The following NFIC variants were observed in gnomAD, a reference collection of about 807,000 sequenced individuals.
The protein encoded by NFIC is nuclear factor 1 C-type.
Under a neutral mutation model 54.4 loss-of-function variants are expected in NFIC, and 12 were observed. That is an observed-to-expected ratio of 0.22 (90% CI 0.14 to 0.36). The LOEUF is 0.36. NFIC is among the 10% of genes least tolerant of loss of function. The pLI is 1.00. For missense variants in NFIC, 575 were observed against 718.2 expected (o/e 0.80, Z 2.28); for synonymous variants, 322 against 319.2 (o/e 1.01, Z -0.09).
chr19:3,427,495 CAA>C (rs1274378621), intron 3 of NFIC, among the ~76,000 whole-genome samples: 2 of 151,646 alleles, frequency 1.3e-5, no homozygotes, highest in Non-Finnish European at 2.9e-5. Flanking sequence ...GAGAAGAAGA[CAA>C]GAGAGGATAT....
upstream of NFIC, among the ~76,000 whole-genome samples, chr19:3,363,264 T>C (rs2080838297): frequency 1.5e-5 from 1 of 67,724 alleles, no homozygotes. Context: ...TATATATATA[T>C]ATATATTTTT....
chr19:3,373,153 G>T (rs911952664), intron 1 of NFIC, among the ~76,000 whole-genome samples: 1 of 152,058 alleles, frequency 6.6e-6, no homozygotes, highest in Non-Finnish European at 1.5e-5. Flanking sequence ...CCCCTATTTC[G>T]TAGTAGACGT....
At chr19:3,406,706 G>A (rs902250549) in intron 2 of NFIC, among the ~76,000 whole-genome samples, 2 of 152,178 alleles carry the variant, frequency 1.3e-5, no homozygotes, top group Admixed American at 6.6e-5. Context: ...AGGTTGCAAC[G>A]TAACTGGACA....
intron 5 of NFIC, 70 bp downstream of exon 5, chr19:3,434,470 G>A (rs1468534945): frequency 1.6e-5 from 24 of 1,496,240 alleles, no homozygotes; most frequent in Non-Finnish European, 2.1e-5. Flanking sequence ...TCTGGCCCGA[G>A]CTGACTCATT....
rs186153522 is a variant in NFIC at position 3,372,256 on chromosome 19, G to A, written c.30+5590G>A. ...GGCTGGTCTCAAACTCCTGACCTCA[G>A]GTGATCCACCTGCCTCGGCCTCCCA... On this transcript the variant is annotated intron_variant, in intron 1 of 10. Transcript: ENST00000443272. Among the ~76,000 whole-genome samples the A allele has an allele frequency of 1.5e-3, 229 of 152,078 alleles. 3 individuals are homozygous for A. Among genetic ancestry groups the A allele is most frequent in the Admixed American group, 5.0e-3 (77 of 15,264 alleles).
intron 9 of NFIC, 114 bp downstream of exon 9, chr19:3,454,030 A>T: frequency 7.2e-7 from 1 of 1,385,222 alleles, no homozygotes; most frequent in Non-Finnish European, 9.3e-7. Flanking sequence ...GGGCCTGGCG[A>T]GTTTGGTGGG....
chr19:3,434,975 C>T (rs1440826596), intron 5 of NFIC, 108 bp from the exon 6 acceptor site: 3 of 1,375,242 alleles, frequency 2.2e-6, no homozygotes, highest in Admixed American at 5.3e-5. Context: ...GCGATACTAC[C>T]TCCCTCGCCC....
At position 3,370,336 on chromosome 19, in the gene NFIC, T is replaced by A. The variant is rs1271868101; in HGVS notation, c.30+3670T>A. Among the ~76,000 whole-genome samples, 1 of 152,096 alleles carries A rather than the reference T, an allele frequency of 6.6e-6. No homozygotes were observed. The highest frequency in any genetic ancestry group is 2.4e-5 in the African/African-American group (1 of 41,408). ...CACTCTCTACAAGGCTCCACCACTCTCCCGCTGTATCTCCCTCTGGGTCTC... is the reference window on the plus strand; with the variant it reads ...CACTCTCTACAAGGCTCCACCACTCACCCGCTGTATCTCCCTCTGGGTCTC... On this transcript the variant is annotated intron_variant, in intron 1 of 10. Coordinates refer to ENST00000443272, the MANE Select transcript of NFIC (RefSeq NM_001245002.2). This position sits in a 1 kb window ranked among gnomAD's most constrained non-coding sequence, Gnocchi z 5.2.
At chr19:3,363,258 TATATATATA>T (rs1484657947), upstream of NFIC, among the ~76,000 whole-genome samples, 938 of 77,454 alleles carry the variant, frequency 0.012, 23 homozygotes, top group South Asian at 0.042. Context: ...TATATATATA[TATATATATA>T]TATTTTTTTT....
intron 3 of NFIC, among the ~76,000 whole-genome samples, chr19:3,430,710 G>T (rs558747246): frequency 6.6e-6 from 1 of 151,620 alleles, no homozygotes; most frequent in Non-Finnish European, 1.5e-5. Context: ...AAGGTGGGTG[G>T]ATCATGTGGT....
intron 6 of NFIC, among the ~76,000 whole-genome samples, chr19:3,442,012 G>C (rs79768694): frequency 0.016 from 2,459 of 152,266 alleles, 79 homozygotes; most frequent in African/African-American, 0.057. Context: ...CTTTTCTCCC[G>C]GGCAGTGCTC....
In NFIC at chr19:3,453,846, G is replaced by A; in HGVS notation, c.1353G>A (p.Arg451=). The change falls in exon 9 of 11, where the codon CGG becomes CGA. Residue 451 remains arginine, a synonymous_variant. Coordinates refer to ENST00000443272, the MANE Select transcript of NFIC (RefSeq NM_001245002.2). This position sits in a 1 kb window ranked among gnomAD's most constrained non-coding sequence, Gnocchi z 6.7. ...CACCTCCGCCCCCGGGGCTGCCACG[G>A]CTGGCGCTCCCCCCTGCCACCAAAC... is the stretch of plus-strand genomic sequence containing the variant. The part of the protein sequence containing the change: ...MLAPPPPGLP[R]LALPPATKPA... 1.9e-6 allele frequency: 3 copies of A among 1,575,804 alleles called. No individual in the cohort carries two copies. Among genetic ancestry groups the A allele is most frequent in the Non-Finnish European group, 1.7e-6 (2 of 1,162,328 alleles).
intron 10 of NFIC, among the ~76,000 whole-genome samples, chr19:3,460,760 C>A (rs1012605503): frequency 1.3e-5 from 2 of 152,190 alleles, no homozygotes; most frequent in African/African-American, 4.8e-5. Flanking sequence ...GTGATCCACC[C>A]ACCTTGGTCT....
intron 2 of NFIC, among the ~76,000 whole-genome samples, chr19:3,385,556 T>G (rs1030265653): frequency 6.8e-6 from 1 of 148,018 alleles, no homozygotes; most frequent in African/African-American, 2.5e-5. Context: ...TTTTTGGGGG[T>G]TTTTTTGGTT....
intron 1 of NFIC, among the ~76,000 whole-genome samples, chr19:3,376,696 T>C (rs2081114259): frequency 6.6e-6 from 1 of 152,126 alleles, no homozygotes. Context: ...ATCGTGCCAC[T>C]GCACTCCAGT....
intron 1 of NFIC, among the ~76,000 whole-genome samples, chr19:3,378,963 A>G (rs1599572501): frequency 6.6e-6 from 1 of 151,832 alleles, no homozygotes; most frequent in Non-Finnish European, 1.5e-5. Context: ...GCAGCCCTCA[A>G]CCTCCAGGCG....
chr19:3,380,357 ACC>A (rs993686067), intron 1 of NFIC, among the ~76,000 whole-genome samples: 1 of 85,140 alleles, frequency 1.2e-5, no homozygotes, highest in Non-Finnish European at 2.1e-5. Flanking sequence ...CACTCTTGGC[ACC>A]CAGGCTCCCA....
Position 3,461,315 on chromosome 19 carries a change from C to T in NFIC, c.1510-1437C>T, listed in dbSNP as rs1338692848. Among the ~76,000 whole-genome samples the T allele has an allele frequency of 2.0e-5, 3 of 151,568 alleles. No individual in the cohort carries two copies. The East Asian group carries it at 5.8e-4, about 29-fold the overall frequency. ...GAACATACCTGTGGTCCCAGCTACT[C>T]GGGAGGCTGAGGTGGGAGGATCACT... On this transcript the variant is annotated intron_variant, in intron 10 of 10. Coordinates refer to ENST00000443272, the MANE Select transcript of NFIC (RefSeq NM_001245002.2).
intron 2 of NFIC, among the ~76,000 whole-genome samples, chr19:3,408,117 T>TA (rs1281680956): frequency 3.3e-5 from 5 of 151,932 alleles, no homozygotes; most frequent in African/African-American, 1.2e-4. Context: ...GGAAGCCGGC[T>TA]AACGTTGGAA....
Sources: allele counts gnomAD v4.1 joint callset (sites outside exome capture counted in the v4.1 genomes callset), GRCh38; gene constraint gnomAD v4.1.1; non-coding constraint Gnocchi (gnomAD v3.1); transcripts MANE v1.5; gene names NCBI Gene and HGNC (gene_info 2026-07-23, HGNC 2026-07-21).